Variants in TTC28 observed in about 807,000 individuals in gnomAD.
TTC28 encodes the protein tetratricopeptide repeat protein 28.
A neutral mutation model predicts 198.0 loss-of-function variants in TTC28; 61 were observed. That is an observed-to-expected ratio of 0.31 (90% CI 0.25 to 0.38). The LOEUF (loss-of-function observed/expected upper bound fraction) is 0.38, where lower values mean the gene tolerates loss of function less well. Among genes scored for constraint, TTC28 ranks in the 10% least tolerant of loss-of-function variants. The pLI is 1.00. For synonymous variants in TTC28, 1,171 were observed against 1,297.8 expected (o/e 0.90, Z 2.10); for missense variants, 2,678 against 3,164.0 (o/e 0.85, Z 3.69).
intron 12 of TTC28, among the ~76,000 whole-genome samples, chr22:28,038,928 A>T (rs967309795): frequency 6.6e-6 from 1 of 152,258 alleles, no homozygotes; most frequent in African/African-American, 2.4e-5. Context: ...AATGCTCAAC[A>T]TCACTGGCCA....
At chr22:28,162,728 C>A (rs931497235) in intron 6 of TTC28, among the ~76,000 whole-genome samples, 20 of 152,238 alleles carry the variant, frequency 1.3e-4, no homozygotes, top group African/African-American at 4.3e-4. Flanking sequence ...GTGGGAGGAT[C>A]GCTTGAGCCC....
intron 8 of TTC28, 95 bp from the exon 9 acceptor site, chr22:28,101,375 GTTTGT>G (rs1942147445): frequency 2.7e-6 from 3 of 1,113,022 alleles, no homozygotes; most frequent in East Asian, 2.7e-5. Context: ...TTGTGTTTTT[GTTTGT>G]TTTGAGACAG....
At chr22:28,389,292 T>C (rs1487423622) in intron 2 of TTC28, among the ~76,000 whole-genome samples, 4 of 152,092 alleles carry the variant, frequency 2.6e-5, no homozygotes, top group Non-Finnish European at 5.9e-5. Flanking sequence ...AGGATATTGG[T>C]CTAAAATTCT....
At chr22:28,533,760 T>C (rs1269838084) in intron 2 of TTC28, among the ~76,000 whole-genome samples, 1 of 152,098 alleles carries the variant, frequency 6.6e-6, no homozygotes, top group Non-Finnish European at 1.5e-5. Flanking sequence ...ATACCACACA[T>C]CTACAACCAT....
rs533157397 is a variant in TTC28 at position 28,142,236 on chromosome 22, T to C, written c.1441+20856A>G. Among the ~76,000 whole-genome samples the C allele has an allele frequency of 6.6e-5, 10 of 152,346 alleles. 1 individual carries two copies. In the East Asian group the frequency reaches 1.7e-3, roughly 26 times the overall value. Reference sequence around the variant, plus strand: ...CAGTAAGTGTTGGCTCACCAGATCATGTATGTCTTTCACATAGCAAATATT... The same window carrying C: ...CAGTAAGTGTTGGCTCACCAGATCACGTATGTCTTTCACATAGCAAATATT... On this transcript the variant is annotated intron_variant, in intron 6 of 22. Transcript: ENST00000397906.
At chr22:28,621,491 A>G (rs572551230) in intron 2 of TTC28, among the ~76,000 whole-genome samples, 2 of 152,018 alleles carry the variant, frequency 1.3e-5, no homozygotes, top group Non-Finnish European at 2.9e-5. Flanking sequence ...AAGGCAGAAG[A>G]ATCATCTGAG....
chr22:28,648,948 G>A (rs1014115543), intron 1 of TTC28, among the ~76,000 whole-genome samples: 1 of 151,148 alleles, frequency 6.6e-6, no homozygotes, highest in African/African-American at 2.4e-5. Flanking sequence ...GAGAGAGAGA[G>A]AAAGAAAGGA....
intron 2 of TTC28, among the ~76,000 whole-genome samples, chr22:28,493,446 A>T (rs1412187471): frequency 1.3e-5 from 2 of 152,342 alleles, no homozygotes; most frequent in Admixed American, 1.3e-4. Flanking sequence ...AAAACAGGAA[A>T]ATAAGGGAAA....
At chr22:28,430,126 T>C in intron 2 of TTC28, among the ~76,000 whole-genome samples, 1 of 149,252 alleles carries the variant, frequency 6.7e-6, no homozygotes, top group East Asian at 2.0e-4. Context: ...TCAGATGTAG[T>C]GAAAAGCTGT....
At chr22:28,530,925 G>C (rs890847653) in intron 2 of TTC28, among the ~76,000 whole-genome samples, 1 of 152,108 alleles carries the variant, frequency 6.6e-6, no homozygotes, top group East Asian at 1.9e-4. Context: ...ACATGGAAAG[G>C]AACAACCGGT....
chr22:28,467,913 C>T (rs551520334), intron 2 of TTC28, among the ~76,000 whole-genome samples: 1 of 152,192 alleles, frequency 6.6e-6, no homozygotes, highest in African/African-American at 2.4e-5. Flanking sequence ...AGGCGCATGC[C>T]ACTGCGCCCG....
At chr22:28,509,531 C>T (rs186309680) in intron 2 of TTC28, among the ~76,000 whole-genome samples, 15 of 152,214 alleles carry the variant, frequency 9.9e-5, no homozygotes, top group Non-Finnish European at 1.5e-4. Context: ...GCAGTTAAAG[C>T]GGTGTTAAGA....
In TTC28 at chr22:28,627,128, G is replaced by T. The variant is rs188190597; in HGVS notation, c.381+2424C>A. ...GGTTTAAAGAGAGAGAGAGACAGAGGCAGATATATATGCAAAACCTTGCTA... is the reference window on the plus strand; with the variant it reads ...GGTTTAAAGAGAGAGAGAGACAGAGTCAGATATATATGCAAAACCTTGCTA... On this transcript the variant is annotated intron_variant, in intron 2 of 22. Coordinates refer to ENST00000397906, the MANE Select transcript of TTC28 (RefSeq NM_001145418.2). Among the ~76,000 whole-genome samples the T allele has an allele frequency of 3.9e-5, 6 of 152,124 alleles. No individual in the cohort carries two copies. In the East Asian group the frequency reaches 1.2e-3, roughly 29 times the overall value.
At chr22:28,043,385 C>T (rs1345947665) in intron 12 of TTC28, among the ~76,000 whole-genome samples, 4 of 151,958 alleles carry the variant, frequency 2.6e-5, no homozygotes, top group African/African-American at 9.7e-5. Context: ...GATTCCTTTC[C>T]CCAAAATTTG....
chr22:28,229,599 T>G (rs1400984558), intron 5 of TTC28, among the ~76,000 whole-genome samples: 1 of 152,086 alleles, frequency 6.6e-6, no homozygotes, highest in Non-Finnish European at 1.5e-5. Flanking sequence ...TCAAGGGAGG[T>G]CCTCAAAACA....
At chr22:28,638,694 A>T (rs542854225) in intron 1 of TTC28, among the ~76,000 whole-genome samples, 1 of 152,356 alleles carries the variant, frequency 6.6e-6, no homozygotes, top group South Asian at 2.1e-4. Context: ...ACATTTTTTT[A>T]AATGTCTGAC....
intron 5 of TTC28, among the ~76,000 whole-genome samples, chr22:28,166,037 G>A (rs898916602): frequency 1.3e-4 from 20 of 151,982 alleles, no homozygotes; most frequent in African/African-American, 2.7e-4. Context: ...TCCTAGTCTC[G>A]GGTAAAACAG....
At chr22:28,338,475 CCAAT>C (rs201596931) in intron 2 of TTC28, among the ~76,000 whole-genome samples, 8,201 of 152,270 alleles carry the variant, frequency 0.054, 318 homozygotes, top group Admixed American at 0.14. Context: ...TTCAGGTACA[CCAAT>C]CAGACGTAGA....
chr22:28,600,030 T>C (rs566623223), intron 2 of TTC28, among the ~76,000 whole-genome samples: 3 of 152,336 alleles, frequency 2.0e-5, no homozygotes, highest in South Asian at 4.1e-4. Flanking sequence ...TCAGCCAACA[T>C]AGCTTACAAC....
Sources: allele counts gnomAD v4.1 joint callset (sites outside exome capture counted in the v4.1 genomes callset), GRCh38; gene constraint gnomAD v4.1.1; transcripts MANE v1.5; gene names NCBI Gene and HGNC (gene_info 2026-07-23, HGNC 2026-07-21).